ANKRD28: variants seen among roughly 807,000 people sequenced by gnomAD.
ANKRD28 encodes the protein ankyrin repeat domain 28.
In ANKRD28, 44 loss-of-function variants were observed where a neutral mutation model predicts 126.5. The ratio of observed to expected loss-of-function variants is 0.35; its 90% CI spans 0.27 to 0.45. The LOEUF (loss-of-function observed/expected upper bound fraction) is 0.45, where lower values mean the gene tolerates loss of function less well. ANKRD28 is among the 20% of genes least tolerant of loss of function. ANKRD28 has a pLI of 1.00. For synonymous variants in ANKRD28, 442 were observed against 468.5 expected (o/e 0.94, Z 0.73); for missense variants, 1,110 against 1,316.6 (o/e 0.84, Z 2.43).
intron 4 of ANKRD28, chr3:15,738,571 G>A (rs2075198550): frequency 6.6e-6 from 1 of 152,376 alleles, no homozygotes; most frequent in African/African-American, 2.4e-5. Flanking sequence ...TGAGGTGGGA[G>A]GATCGCTTGA....
chr3:15,797,559 A>T lies in ANKRD28; in HGVS notation c.-1038T>A, dbSNP rs557337314. 1.7e-4 allele frequency: 89 copies of T among 526,830 alleles called. 2 individuals are homozygous for T. Among genetic ancestry groups the T allele is most frequent in the African/African-American group, 8.8e-4 (36 of 41,082 alleles). The allele number at this position is 526,830 out of a possible 1,614,324, so 32.6% of individuals were successfully genotyped here. ...CTGCTTCAGGCTTTTTGTTTTCTTT[A>T]AAAAAAAAAAGGGGGGGGAAAAACA... is the stretch of plus-strand genomic sequence containing the variant. On this transcript the variant is annotated 5_prime_UTR_variant, in exon 1 of 28. The change abolishes the stop of an existing upstream ORF in the 5' untranslated region. Coordinates refer to ENST00000683139, the MANE Select transcript of ANKRD28 (RefSeq NM_001349278.2).
chr3:15,727,874 T>C (rs2074295458), intron 6 of ANKRD28, among the ~76,000 whole-genome samples: 1 of 152,338 alleles, frequency 6.6e-6, no homozygotes, highest in East Asian at 1.9e-4. Flanking sequence ...TGGAATCTAC[T>C]CCCAAAGATG....
intron 14 of ANKRD28, among the ~76,000 whole-genome samples, chr3:15,703,070 T>C (rs796700961): frequency 2.6e-5 from 4 of 152,154 alleles, no homozygotes; most frequent in African/African-American, 9.7e-5. Context: ...TGCTCTTACA[T>C]ATATATACAC....
Position 15,812,190 on chromosome 3 carries a change from A to C in ANKRD28, c.28-16884T>G, listed in dbSNP as rs1373316372. On this transcript the variant is annotated intron_variant, in intron 1 of 27. Coordinates refer to the ANKRD28 transcript ENST00000399451. The surrounding 1 kb of genome is among the most constrained non-coding windows in gnomAD (Gnocchi z 4.1). ...AAAACAAAACGAAACCCAAAACAAC[A>C]ATAAAATGTTTCTAAGATGATAATC... is the stretch of plus-strand genomic sequence containing the variant. Among the ~76,000 whole-genome samples the C allele has an allele frequency of 6.6e-6, 1 of 151,998 alleles. No individual in the cohort carries two copies. The highest frequency in any genetic ancestry group is 6.5e-5 in the Admixed American group (1 of 15,268).
intron 4 of ANKRD28, among the ~76,000 whole-genome samples, chr3:15,744,205 C>T (rs1465322970): frequency 6.6e-6 from 1 of 152,184 alleles, no homozygotes; most frequent in African/African-American, 2.4e-5. Flanking sequence ...AAAAATGATA[C>T]TCAGTGTTTA....
chr3:15,818,234 G>T (rs1326367749), intron 1 of ANKRD28, among the ~76,000 whole-genome samples: 1 of 152,052 alleles, frequency 6.6e-6, no homozygotes, highest in African/African-American at 2.4e-5. Flanking sequence ...TGTTTTGTCC[G>T]ACACAGGTTG....
At chr3:15,776,613 G>A (rs554115614) in intron 2 of ANKRD28, among the ~76,000 whole-genome samples, 1 of 152,308 alleles carries the variant, frequency 6.6e-6, no homozygotes, top group East Asian at 1.9e-4. Flanking sequence ...TAACACTGAG[G>A]GGTGGGGTGG....
chr3:15,734,767 T>C (rs1408704218), intron 6 of ANKRD28, among the ~76,000 whole-genome samples: 1 of 152,216 alleles, frequency 6.6e-6, no homozygotes, highest in African/African-American at 2.4e-5. Context: ...TATCCTGTAA[T>C]AGGCTGATTT....
chr3:15,678,609 T>C (rs1401147235), intron 23 of ANKRD28, among the ~76,000 whole-genome samples: 1 of 152,142 alleles, frequency 6.6e-6, no homozygotes, highest in Non-Finnish European at 1.5e-5. Flanking sequence ...ATTGCTAAAA[T>C]AACATTACAT....
intron 4 of ANKRD28, among the ~76,000 whole-genome samples, chr3:15,745,873 T>G (rs184779499): frequency 2.0e-5 from 3 of 152,292 alleles, no homozygotes; most frequent in East Asian, 1.9e-4. Context: ...GTGTTGTCTA[T>G]GACTTTTTTC....
upstream of ANKRD28, among the ~76,000 whole-genome samples, chr3:15,800,758 T>C (rs2060446611): frequency 6.6e-6 from 1 of 152,132 alleles, no homozygotes; most frequent in Admixed American, 6.5e-5. Context: ...TTTTACAGTT[T>C]AGGGACTGTA....
intron 21 of ANKRD28, among the ~76,000 whole-genome samples, chr3:15,682,194 C>A (rs2125716824): frequency 6.6e-6 from 1 of 152,088 alleles, no homozygotes; most frequent in Middle Eastern, 3.4e-3. Context: ...AAATAGTTTT[C>A]ATAAAAAAAG....
upstream of ANKRD28, among the ~76,000 whole-genome samples, chr3:15,800,678 T>C (rs2060445106): frequency 1.3e-5 from 2 of 152,064 alleles, no homozygotes; most frequent in Admixed American, 6.6e-5. Flanking sequence ...TAAGTGTTAA[T>C]TGGGGAGAGG....
At chr3:15,847,680 A>G (rs2061557083) in intron 1 of ANKRD28, among the ~76,000 whole-genome samples, 1 of 152,230 alleles carries the variant, frequency 6.6e-6, no homozygotes, top group Admixed American at 6.5e-5. Context: ...ATCAAGTCCT[A>G]TCAATTTTAC....
chr3:15,793,907 T>C (rs1193728882), intron 2 of ANKRD28, among the ~76,000 whole-genome samples: 10 of 152,090 alleles, frequency 6.6e-5, no homozygotes, highest in Admixed American at 6.6e-4. Context: ...CTGTCTCTAC[T>C]AAAAACACAA....
At position 15,839,611 on chromosome 3, in the gene ANKRD28, C is replaced by G. The variant is rs1415657805; in HGVS notation, c.27+19766G>C. On this transcript the variant is annotated intron_variant, in intron 1 of 27. Transcript: ENST00000399451. This position sits in a 1 kb window ranked among gnomAD's most constrained non-coding sequence, Gnocchi z 4.3. ...CATTAAAAAAAAAGAAAACGATAGG[C>G]CAATATCACTGAGTAATATTGACTC... 4.0e-5 allele frequency among the ~76,000 whole-genome samples: 6 copies of G among 151,840 alleles called. No individual in the cohort carries two copies. The highest frequency in any genetic ancestry group is 4.8e-5 in the African/African-American group (2 of 41,334).
At chr3:15,689,759 G>T in intron 18 of ANKRD28, 1 of 316,370 alleles carries the variant, frequency 3.2e-6, no homozygotes, top group Middle Eastern at 9.1e-4. Flanking sequence ...TTTTGTGCTT[G>T]GTTTACTTGG....
At chr3:15,738,596 G>C (rs2075200510) in intron 4 of ANKRD28, 3 of 151,598 alleles carry the variant, frequency 2.0e-5, no homozygotes, top group African/African-American at 7.2e-5. Context: ...AGGAGTTCTG[G>C]GCTGTAGTGC....
chr3:15,773,135 TAA>T (rs764725685), intron 2 of ANKRD28, among the ~76,000 whole-genome samples: 4 of 136,866 alleles, frequency 2.9e-5, no homozygotes, highest in Admixed American at 7.3e-5. Context: ...CCAAGGAATC[TAA>T]AAAAAAAAAA....
Sources: gnomAD v4.1 joint callset for allele counts (sites outside exome capture counted in the v4.1 genomes callset) on GRCh38, gnomAD v4.1.1 for gene constraint, Gnocchi (gnomAD v3.1) non-coding constraint, MANE v1.5 for transcripts, NCBI Gene and HGNC (gene_info 2026-07-23, HGNC 2026-07-21) for gene names.